The following IGSF21 variants were observed in gnomAD, a reference collection of about 807,000 sequenced individuals.
IGSF21 encodes the protein immunoglobin superfamily member 21.
In IGSF21, 28 loss-of-function variants were observed where a neutral mutation model predicts 46.8. The observed-to-expected ratio is 0.60, with a 90% CI of 0.44 to 0.82. The LOEUF (loss-of-function observed/expected upper bound fraction) is 0.82. IGSF21 is among the 40% of genes least tolerant of loss of function. The pLI, the probability that IGSF21 is intolerant of heterozygous loss-of-function variation, is 0.00. For missense variants in IGSF21, 624 were observed against 665.5 expected, an observed-to-expected ratio of 0.94 and a Z score of 0.69; for synonymous variants, 284 against 273.6, an observed-to-expected ratio of 1.04 and a Z score of -0.38.
At chr1:18,269,983 G>A (rs960072495) in intron 2 of IGSF21, among the ~76,000 whole-genome samples, 1 of 152,140 alleles carries the variant, frequency 6.6e-6, no homozygotes, top group Non-Finnish European at 1.5e-5. Context: ...TGTGCCTTCT[G>A]GAGGTAACCT....
chr1:18,175,392 T>G (rs555698895), intron 1 of IGSF21, among the ~76,000 whole-genome samples: 131 of 151,872 alleles, frequency 8.6e-4, no homozygotes, highest in African/African-American at 2.9e-3. Flanking sequence ...TAGCGGGGAG[T>G]GAACTGCAGA....
chr1:18,266,235 G>A (rs917397341), intron 2 of IGSF21, among the ~76,000 whole-genome samples: 3 of 152,172 alleles, frequency 2.0e-5, no homozygotes, highest in African/African-American at 4.8e-5. Flanking sequence ...AAAGGAGAGA[G>A]GGTCAGAGAG....
At chr1:18,376,442 G>A (rs374539231) in intron 7 of IGSF21, 47 bp downstream of exon 7, 47 of 1,341,082 alleles carry the variant, frequency 3.5e-5, no homozygotes, top group Non-Finnish European at 4.1e-5. Flanking sequence ...AGGTGGTAGA[G>A]GCACCGACCC....
chr1:18,375,930 G>A (rs1476116101), intron 6 of IGSF21: 5 of 209,894 alleles, frequency 2.4e-5, no homozygotes, highest in African/African-American at 4.5e-5. Context: ...CTAGTAGCAC[G>A]TGCCCCAGGT....
intron 1 of IGSF21, among the ~76,000 whole-genome samples, chr1:18,140,999 C>A (rs866559210): frequency 2.0e-5 from 3 of 152,210 alleles, no homozygotes; most frequent in South Asian, 4.1e-4. Flanking sequence ...AAACGTGGCA[C>A]AATGAGGGCT....
chr1:18,359,502 AGGAAGGAAG>A (rs2086077433), intron 4 of IGSF21, among the ~76,000 whole-genome samples: 1 of 84,052 alleles, frequency 1.2e-5, no homozygotes, highest in South Asian at 4.1e-4. Flanking sequence ...GAAGGAAGGA[AGGAAGGAAG>A]GAAAAGCAAT....
chr1:18,236,508 G>T (rs2084674361), intron 2 of IGSF21, among the ~76,000 whole-genome samples: 1 of 152,232 alleles, frequency 6.6e-6, no homozygotes, highest in Non-Finnish European at 1.5e-5. Context: ...AGCTGGGAGT[G>T]CCTCTAAGAC....
In IGSF21 at chr1:18,236,542, G is replaced by A. The variant is rs375464474; in HGVS notation, c.183+8532G>A. On this transcript the variant is annotated intron_variant, in intron 2 of 9. Coordinates refer to ENST00000251296, the MANE Select transcript of IGSF21 (RefSeq NM_032880.5). ...ACATGGAGATGGAGCTGCTGCAGCCGCTATTGAGGCCACAAATCTGGAATG... is the reference window on the plus strand; with the variant it reads ...ACATGGAGATGGAGCTGCTGCAGCCACTATTGAGGCCACAAATCTGGAATG... 2.7e-3 allele frequency among the ~76,000 whole-genome samples: 415 copies of A among 152,312 alleles called. 2 individuals are homozygous for A. The highest frequency in any genetic ancestry group is 0.024 in the Middle Eastern group (7 of 294).
At chr1:18,315,865 G>A (rs1431246763) in intron 3 of IGSF21, among the ~76,000 whole-genome samples, 1 of 151,336 alleles carries the variant, frequency 6.6e-6, no homozygotes, top group Admixed American at 6.6e-5. Flanking sequence ...TGGATAGCTG[G>A]AGAGATGAGA....
At chr1:18,304,271 T>C (rs9651255) in intron 3 of IGSF21, among the ~76,000 whole-genome samples, 90,508 of 152,012 alleles carry the variant, frequency 0.6, 27,612 homozygotes, top group East Asian at 0.83. Flanking sequence ...TGAATCAGAT[T>C]AGACATGTCT....
chr1:18,263,426 G>C (rs148225664), intron 2 of IGSF21, among the ~76,000 whole-genome samples: 2 of 150,438 alleles, frequency 1.3e-5, no homozygotes, highest in African/African-American at 2.5e-5. Flanking sequence ...GCAGTGTAAC[G>C]GGTCCAGTTT....
chr1:18,280,373 C>T (rs2085147462), intron 2 of IGSF21, among the ~76,000 whole-genome samples: 1 of 152,302 alleles, frequency 6.6e-6, no homozygotes, highest in Non-Finnish European at 1.5e-5. Context: ...GTTCACACTG[C>T]AGCCAGGGGG....
intron 1 of IGSF21, among the ~76,000 whole-genome samples, chr1:18,139,290 G>T (rs963620414): frequency 3.9e-5 from 6 of 152,164 alleles, no homozygotes; most frequent in African/African-American, 1.4e-4. Context: ...GGGAAAATGC[G>T]GTCGCTGAAC....
intron 1 of IGSF21, among the ~76,000 whole-genome samples, chr1:18,153,048 A>G (rs2086535023): frequency 6.6e-6 from 1 of 152,166 alleles, no homozygotes; most frequent in Admixed American, 6.5e-5. Context: ...GCCGGCCAAC[A>G]ATGGTGACAG....
At chr1:18,306,222 T>C (rs939760009) in intron 3 of IGSF21, among the ~76,000 whole-genome samples, 1 of 152,156 alleles carries the variant, frequency 6.6e-6, no homozygotes. Context: ...CTCTTCAGCT[T>C]CCTAAACATC....
At chr1:18,350,895 G>T (rs1464148872) in intron 4 of IGSF21, among the ~76,000 whole-genome samples, 2 of 152,198 alleles carry the variant, frequency 1.3e-5, no homozygotes, top group African/African-American at 4.8e-5. Context: ...GCGGTGGGGG[G>T]TAGGGGCTCT....
At chr1:18,212,738 G>T (rs755705378) in intron 1 of IGSF21, among the ~76,000 whole-genome samples, 1 of 151,806 alleles carries the variant, frequency 6.6e-6, no homozygotes, top group East Asian at 1.9e-4. Context: ...TGCAAAGACA[G>T]CCATGGGCTG....
chr1:18,163,697 T>G (rs1323335553), intron 1 of IGSF21, among the ~76,000 whole-genome samples: 2 of 152,158 alleles, frequency 1.3e-5, no homozygotes, highest in Admixed American at 1.3e-4. Flanking sequence ...CAGCCAGCAT[T>G]GGTGGGTGGG....
chr1:18,300,225 C>G (rs1416261552), intron 3 of IGSF21, among the ~76,000 whole-genome samples: 1 of 151,968 alleles, frequency 6.6e-6, no homozygotes, highest in Non-Finnish European at 1.5e-5. Flanking sequence ...TTGATTCAAG[C>G]CCAGAGCAAG....
Sources: allele counts gnomAD v4.1 joint callset (sites outside exome capture counted in the v4.1 genomes callset), GRCh38; gene constraint gnomAD v4.1.1; transcripts MANE v1.5; gene names NCBI Gene and HGNC (gene_info 2026-07-23, HGNC 2026-07-21).